Variants in UXS1 observed in about 807,000 individuals in gnomAD.
UXS1 encodes UDP-glucuronate decarboxylase 1, also known as UDP-glucuronic acid decarboxylase 1.
A neutral mutation model predicts 62.6 loss-of-function variants in UXS1; 33 were observed. The observed-to-expected ratio is 0.53, with a 90% CI of 0.40 to 0.70. The LOEUF (loss-of-function observed/expected upper bound fraction) is 0.70. Among genes scored for constraint, UXS1 ranks in the 30% least tolerant of loss-of-function variants. The probability of loss-of-function intolerance (pLI) is 0.00; values close to 1 mark genes in which losing one functional copy is unlikely to be tolerated. For synonymous variants in UXS1, 213 were observed against 206.8 expected (o/e 1.03, Z -0.26); for missense variants, 434 against 556.3 (o/e 0.78, Z 2.21).
At chr2:106,163,198 C>T (rs947473117) in intron 4 of UXS1, among the ~76,000 whole-genome samples, 5 of 152,218 alleles carry the variant, frequency 3.3e-5, no homozygotes, top group East Asian at 1.9e-4. Context: ...TTACATAATT[C>T]TTCTGCCCTC....
chr2:106,097,213 T>A (rs978447038), intron 13 of UXS1: 4 of 459,266 alleles, frequency 8.7e-6, no homozygotes, highest in African/African-American at 4.0e-5. Flanking sequence ...TGTGGGGCCA[T>A]CCCTGAGGTG....
Position 106,144,687 on chromosome 2 carries a change from G to T in UXS1, c.472+503C>A, listed in dbSNP as rs1002911354. ...CAAGGGGTTGGCAGATTGGGTGCTGGTGAGGACCTGCTTCCTGGTTCATAT... is the reference window on the plus strand; with the variant it reads ...CAAGGGGTTGGCAGATTGGGTGCTGTTGAGGACCTGCTTCCTGGTTCATAT... On this transcript the variant is annotated intron_variant, in intron 6 of 14. Transcript: ENST00000283148. Among the ~76,000 whole-genome samples the T allele has an allele frequency of 2.0e-5, 3 of 152,136 alleles. No homozygotes were observed. In the East Asian group the frequency reaches 5.8e-4, roughly 29 times the overall value.
In UXS1 at chr2:106,141,284, A is replaced by G. The variant is rs180814786; in HGVS notation, c.472+3906T>C. Among the ~76,000 whole-genome samples the G allele has an allele frequency of 1.6e-3, 247 of 152,336 alleles. 1 individual carries two copies. Among genetic ancestry groups the G allele is most frequent in the Non-Finnish European group, 2.9e-3 (195 of 68,022 alleles). On this transcript the variant is annotated intron_variant, in intron 6 of 14. Transcript: ENST00000283148. Reference sequence around the variant, plus strand: ...AGTGGAAGAAAATAAGATTCAGGACAATACATAATAGGTTATATAAAAAGG... The same window carrying G: ...AGTGGAAGAAAATAAGATTCAGGACGATACATAATAGGTTATATAAAAAGG...
In UXS1 at chr2:106,145,296, C is replaced by A; in HGVS notation, c.366G>T (p.Val122=). 1 of 1,613,978 alleles carries A rather than the reference C, an allele frequency of 6.2e-7. No homozygotes were observed. The highest frequency in any genetic ancestry group is 8.5e-7 in the Non-Finnish European group (1 of 1,179,886). ...KLMMDGHEVT[V]VDNFFTGRKR... is the part of the protein sequence containing the mutation. ...TCCTGCCCGTGAAGAAATTGTCCAC[C>A]ACGGTCACCTCGTGGCCGTCCATCA... Residue 122 remains valine (V), a synonymous_variant, in exon 6 of 15, where the codon GTG becomes GTT. Coordinates refer to ENST00000283148, the MANE Select transcript of UXS1 (RefSeq NM_001253875.2).
chr2:106,103,948 G>A (rs1331372211), intron 11 of UXS1, among the ~76,000 whole-genome samples: 1 of 152,070 alleles, frequency 6.6e-6, no homozygotes, highest in Non-Finnish European at 1.5e-5. Context: ...TGGCTGAGGT[G>A]GGACTTGGGG....
chr2:106,194,245 CG>C lies in UXS1; in HGVS notation c.-5del. On this transcript the variant is annotated 5_prime_UTR_variant, in exon 1 of 15. Coordinates refer to ENST00000283148, the MANE Select transcript of UXS1 (RefSeq NM_001253875.2). ...GCAGCAGCGCCTTGCTCACCATCCC[CG>C]GGAGCCGCGCGGGTCCAGGGCCCTA... 7.2e-7 allele frequency: 1 copy of C among 1,395,386 alleles called. No individual in the cohort carries two copies. The allele number at this position is 1,395,386 out of a possible 1,614,324, so 86.4% of individuals were successfully genotyped here.
At chr2:106,153,730 C>T (rs1424019182) in intron 5 of UXS1, among the ~76,000 whole-genome samples, 2 of 152,046 alleles carry the variant, frequency 1.3e-5, no homozygotes, top group East Asian at 1.9e-4. Context: ...GTGTGAAGTC[C>T]CAGGTGTTGG....
intron 13 of UXS1, chr2:106,097,114 AG>A: frequency 1.9e-6 from 1 of 531,494 alleles, no homozygotes; most frequent in Non-Finnish European, 3.6e-6. Flanking sequence ...CCACTACAAG[AG>A]GGTTGCTCCA....
intron 2 of UXS1, among the ~76,000 whole-genome samples, chr2:106,165,335 T>C (rs895026369): frequency 2.0e-5 from 3 of 152,196 alleles, no homozygotes; most frequent in Non-Finnish European, 4.4e-5. Flanking sequence ...CCTGAGGGCA[T>C]AGTAACCTTT....
At chr2:106,175,613 G>C (rs1256759861) in intron 1 of UXS1, among the ~76,000 whole-genome samples, 1 of 152,150 alleles carries the variant, frequency 6.6e-6, no homozygotes, top group East Asian at 1.9e-4. Flanking sequence ...CACATTTGCT[G>C]AGACACTTGG....
chr2:106,169,120 G>A (rs1421746056), intron 1 of UXS1, among the ~76,000 whole-genome samples: 2 of 152,146 alleles, frequency 1.3e-5, no homozygotes, highest in African/African-American at 2.4e-5. Flanking sequence ...CGGACACCAC[G>A]CACTGCTGCC....
At chr2:106,108,185 A>ATTT (rs1678252311) in intron 10 of UXS1, among the ~76,000 whole-genome samples, 1 of 152,262 alleles carries the variant, frequency 6.6e-6, no homozygotes. Context: ...TTTGGTTTAA[A>ATTT]TTAGCCTACC....
chr2:106,134,318 T>C (rs1680566075), intron 6 of UXS1, among the ~76,000 whole-genome samples: 1 of 87,656 alleles, frequency 1.1e-5, no homozygotes, highest in Non-Finnish European at 2.3e-5. Flanking sequence ...ACAGCTGAAT[T>C]CTACCAGAGG....
At chr2:106,178,040 C>A (rs977766929) in intron 1 of UXS1, among the ~76,000 whole-genome samples, 16 of 152,218 alleles carry the variant, frequency 1.1e-4, no homozygotes, top group African/African-American at 3.9e-4. Context: ...CTGTACAAAC[C>A]TCTTCCATCG....
intron 5 of UXS1, among the ~76,000 whole-genome samples, chr2:106,150,157 C>T (rs544669942): frequency 3.3e-5 from 5 of 152,110 alleles, no homozygotes; most frequent in Non-Finnish European, 2.9e-5. Context: ...AATTGCATGG[C>T]TTCTTTTAAC....
chr2:106,173,834 C>T (rs1171563707), intron 1 of UXS1, among the ~76,000 whole-genome samples: 1 of 152,220 alleles, frequency 6.6e-6, no homozygotes, highest in African/African-American at 2.4e-5. Context: ...TTGGATCTTA[C>T]AAAAACTAGC....
chr2:106,184,392 T>C (rs1684433097), intron 1 of UXS1, among the ~76,000 whole-genome samples: 1 of 152,210 alleles, frequency 6.6e-6, no homozygotes, highest in Non-Finnish European at 1.5e-5. Context: ...AACATATCTA[T>C]TTGTGAAAGC....
At chr2:106,120,857 C>T (rs763834362) in intron 9 of UXS1, among the ~76,000 whole-genome samples, 2 of 152,224 alleles carry the variant, frequency 1.3e-5, no homozygotes, top group Non-Finnish European at 2.9e-5. Context: ...ATCATGCCAA[C>T]GGAGTGACAG....
intron 12 of UXS1, 147 bp downstream of exon 12, chr2:106,100,911 G>C (rs1371421906): frequency 1.6e-5 from 16 of 987,946 alleles, no homozygotes; most frequent in Non-Finnish European, 2.5e-5. Flanking sequence ...GTGTTTGTTT[G>C]TTTTTCCTCT....
Sources: allele counts gnomAD v4.1 joint callset (sites outside exome capture counted in the v4.1 genomes callset), GRCh38; gene constraint gnomAD v4.1.1; transcripts MANE v1.5; gene names NCBI Gene and HGNC (gene_info 2026-07-23, HGNC 2026-07-21).